Variants in MAP7D1 observed in about 807,000 individuals in gnomAD.
MAP7D1 encodes MAP7 domain-containing protein 1.
In MAP7D1, 30 loss-of-function variants were observed where a neutral mutation model predicts 97.5. The ratio of observed to expected loss-of-function variants is 0.31; its 90% CI spans 0.23 to 0.42. MAP7D1 has a LOEUF of 0.42. Ranked by LOEUF, MAP7D1 falls within the 10% of genes least tolerant of loss-of-function variation. MAP7D1 has a pLI of 1.00. For synonymous variants in MAP7D1, 536 were observed against 477.1 expected, an observed-to-expected ratio of 1.12 and a Z score of -1.61; for missense variants, 1,184 against 1,179.5, an observed-to-expected ratio of 1.00 and a Z score of -0.06.
intron 2 of MAP7D1, 33 bp downstream of exon 2, chr1:36,171,348 C>A: frequency 6.5e-7 from 1 of 1,546,576 alleles, no homozygotes; most frequent in Non-Finnish European, 8.7e-7. Context: ...GGGCCTAAAC[C>A]TCTTGGCTCA....
intron 3 of MAP7D1, chr1:36,171,916 A>C (rs515717): frequency 0.022 from 3,260 of 149,478 alleles, 150 homozygotes; most frequent in African/African-American, 0.08. Flanking sequence ...TCTGGGCAAC[A>C]AGAGCAAAAC....
At chr1:36,168,562 C>T (rs1175096916) in intron 1 of MAP7D1, among the ~76,000 whole-genome samples, 2 of 152,186 alleles carry the variant, frequency 1.3e-5, no homozygotes, top group East Asian at 3.9e-4. Flanking sequence ...GCAGCCGTCT[C>T]CTGCTGGTAT....
rs928724038 is a variant in MAP7D1 at position 36,175,074 on chromosome 1, G to T, written c.850+66G>T. Reference sequence around the variant, plus strand: ...TAGCTCCCACCAAGCCTCCTCCAGAGCTCAGCAAGAACACCAGGTCCCTGG... The same window carrying T: ...TAGCTCCCACCAAGCCTCCTCCAGATCTCAGCAAGAACACCAGGTCCCTGG... On this transcript the variant is annotated intron_variant, in intron 6 of 16. Transcript: ENST00000474796. 19 of 1,076,268 alleles carry T rather than the reference G, an allele frequency of 1.8e-5. 1 individual carries two copies. Among genetic ancestry groups the T allele is most frequent in the Non-Finnish European group, 2.6e-5 (18 of 699,476 alleles). The allele number at this position is 1,076,268 out of a possible 1,614,324, so 66.7% of individuals were successfully genotyped here. A position where few individuals can be genotyped will look rare whatever the true frequency, so the allele number is the denominator to read the frequency against.
At position 36,160,647 on chromosome 1, in the gene MAP7D1, C is replaced by G. The variant is rs532149315; in HGVS notation, c.46+4184C>G. Reference sequence around the variant, plus strand: ...GCAGAGGCAGGATTTGAACTCAAATCTGTCTGACTCTGAAGTCTGTGCCCT... The same window carrying G: ...GCAGAGGCAGGATTTGAACTCAAATGTGTCTGACTCTGAAGTCTGTGCCCT... On this transcript the variant is annotated intron_variant, in intron 1 of 16. Coordinates refer to ENST00000474796, the MANE Select transcript of MAP7D1 (RefSeq NM_001388490.1). 1.2e-4 allele frequency among the ~76,000 whole-genome samples: 19 copies of G among 152,356 alleles called. 1 individual carries two copies. In the East Asian group the frequency reaches 2.9e-3, roughly 23 times the overall value.
Position 36,173,388 on chromosome 1 carries a change from C to T in MAP7D1, c.649C>T (p.Arg217Trp), listed in dbSNP as rs756529797. The T allele has an allele frequency of 3.7e-5, 59 of 1,613,800 alleles. No homozygotes were observed. The highest frequency in any genetic ancestry group is 8.9e-5 in the East Asian group (4 of 44,872). ...GGAGCGCTATGAAGCAGCCATCCAA[C>T]GGTCAGTGAAGAAGACGTGGGCCGA... ...NKERYEAAIQ[R>W]SVKKTWAEIR... The change falls in exon 5 of 17, where the codon CGG becomes TGG. Residue 217 changes from arginine (R) to tryptophan (W), a missense_variant. By Grantham distance (101) the Arg-to-Trp change is moderately radical. Coordinates refer to ENST00000474796, the MANE Select transcript of MAP7D1 (RefSeq NM_001388490.1).
In MAP7D1 at chr1:36,171,507, G is replaced by A. The variant is rs1644542962; in HGVS notation, c.392-6G>A. 6.2e-7 allele frequency: 1 copy of A among 1,614,030 alleles called. No homozygotes were observed. Among genetic ancestry groups the A allele is most frequent in the Non-Finnish European group, 8.5e-7 (1 of 1,180,026 alleles). Reference sequence around the variant, plus strand: ...TGACCTGTCTGTTCTTGTTCCCTCTGCTCAGAGGTGAAGAAGGCAGGAGAG... The same window carrying A: ...TGACCTGTCTGTTCTTGTTCCCTCTACTCAGAGGTGAAGAAGGCAGGAGAG... On this transcript the variant is annotated splice_polypyrimidine_tract_variant and splice_region_variant and intron_variant, in intron 2 of 16. Transcript: ENST00000474796.
At position 36,156,326 on chromosome 1, in the gene MAP7D1, C is replaced by A; in HGVS notation, c.-92C>A. On this transcript the variant is annotated 5_prime_UTR_variant, in exon 1 of 17. Coordinates refer to ENST00000474796, the MANE Select transcript of MAP7D1 (RefSeq NM_001388490.1). ...CGCTACTTGCCGGGCCGGGCCGGGC[C>A]GGGCGTGATGCGCCGCGGGACCCCT... 1.8e-6 allele frequency: 2 copies of A among 1,139,452 alleles called. No individual in the cohort carries two copies. Among genetic ancestry groups the A allele is most frequent in the Non-Finnish European group, 2.3e-6 (2 of 858,520 alleles). 70.6% of individuals were successfully genotyped at this position (1,139,452 alleles called of 1,614,324 possible). A position where few individuals can be genotyped will look rare whatever the true frequency, so the allele number is the denominator to read the frequency against.
At chr1:36,161,485 A>C (rs530619795) in intron 1 of MAP7D1, among the ~76,000 whole-genome samples, 2 of 152,224 alleles carry the variant, frequency 1.3e-5, no homozygotes, top group African/African-American at 4.8e-5. Flanking sequence ...TGTGGAGCTT[A>C]AGTAAGTGTC....
At chr1:36,173,002 C>G (rs1644568619) in intron 4 of MAP7D1, among the ~76,000 whole-genome samples, 2 of 152,206 alleles carry the variant, frequency 1.3e-5, no homozygotes, top group African/African-American at 4.8e-5. Flanking sequence ...CCTGGCCCTA[C>G]CTGGGAGGGC....
intron 15 of MAP7D1, 58 bp downstream of exon 15, chr1:36,179,814 C>T (rs1389913703): frequency 8.9e-6 from 14 of 1,565,254 alleles, no homozygotes; most frequent in East Asian, 4.5e-5. Context: ...GCTGGAGCTG[C>T]GGGGTGGCCT....
intron 13 of MAP7D1, 36 bp downstream of exon 13, chr1:36,179,351 G>A: frequency 6.2e-7 from 1 of 1,612,548 alleles, no homozygotes; most frequent in Non-Finnish European, 8.5e-7. Context: ...CTGGGCGTGG[G>A]GGGCAGGGTG....
Position 36,178,428 on chromosome 1 carries a change from T to C in MAP7D1, c.1718T>C (p.Val573Ala), listed in dbSNP as rs1245864445. ...PPAETPTDAA[V>A]LTSPPAPAPP... ...CCGGATCCCCCTCCAGACGCTGCTG[T>C]CTTGACCTCACCCCCAGCCCCTGCT... Residue 573 changes from valine to alanine, a missense_variant, in exon 10 of 17, where the codon GTC becomes GCC. By Grantham distance (64) the Val-to-Ala change is moderately conservative (BLOSUM62 0). Transcript: ENST00000474796. 1.2e-6 allele frequency: 2 copies of C among 1,610,704 alleles called. No homozygotes were observed. Among genetic ancestry groups the C allele is most frequent in the Non-Finnish European group, 8.5e-7 (1 of 1,179,392 alleles).
In MAP7D1 at chr1:36,171,555, G is replaced by A. The variant is rs199861035; in HGVS notation, c.434G>A (p.Arg145Gln). The A allele has an allele frequency of 1.1e-5, 17 of 1,614,048 alleles. No individual in the cohort carries two copies. Among genetic ancestry groups the A allele is most frequent in the African/African-American group, 2.7e-5 (2 of 74,920 alleles). The change falls in exon 3 of 17, where the codon CGG becomes CAG. Residue 145 changes from arginine to glutamine, a missense_variant. Transcript: ENST00000474796. ...GAGAGACACAAGCTGGCAAAGGAGC[G>A]GCGAGAAGAGCGGGCCAAGTACCTG... ...AGERHKLAKE[R>Q]REERAKYLAA...
rs1353211221 is a variant in MAP7D1 at position 36,156,200 on chromosome 1, A to T, written c.-218A>T. On this transcript the variant is annotated 5_prime_UTR_variant, in exon 1 of 17. Coordinates refer to ENST00000474796, the MANE Select transcript of MAP7D1 (RefSeq NM_001388490.1). ...GGACTGGGCCGGCGCCGGGCGGGGA[A>T]CGGGTTCGCGACCGCAGCCGAGAGA... 4.8e-6 allele frequency: 2 copies of T among 417,880 alleles called. No individual in the cohort carries two copies. The highest frequency in any genetic ancestry group is 4.2e-5 in the African/African-American group (2 of 47,548). The allele number at this position is 417,880 out of a possible 1,614,324, so 25.9% of individuals were successfully genotyped here.
chr1:36,179,163 A>C, intron 12 of MAP7D1, 99 bp from the exon 13 acceptor site: 1 of 1,505,498 alleles, frequency 6.6e-7, no homozygotes, highest in Non-Finnish European at 9.2e-7. Context: ...GGCTGCTATG[A>C]GCTGGGAGGC....
intron 13 of MAP7D1, 37 bp downstream of exon 13, chr1:36,179,352 G>C: frequency 2.5e-6 from 4 of 1,612,580 alleles, no homozygotes; most frequent in Non-Finnish European, 3.4e-6. Flanking sequence ...TGGGCGTGGG[G>C]GGCAGGGTGT....
At chr1:36,175,400 C>A (rs1448956366) in intron 6 of MAP7D1, among the ~76,000 whole-genome samples, 1 of 152,162 alleles carries the variant, frequency 6.6e-6, no homozygotes, top group African/African-American at 2.4e-5. Context: ...GGCCTGGGTG[C>A]TGTGGGGTGG....
At chr1:36,175,996 G>A (rs1185063462) in intron 6 of MAP7D1, among the ~76,000 whole-genome samples, 1 of 152,198 alleles carries the variant, frequency 6.6e-6, no homozygotes, top group African/African-American at 2.4e-5. Flanking sequence ...TGTTGCCCTG[G>A]GAAGTGTCTG....
Position 36,179,495 on chromosome 1 carries a change from G to A in MAP7D1, c.2185-20G>A, listed in dbSNP as rs374694470. 51 of 1,580,300 alleles carry A rather than the reference G, an allele frequency of 3.2e-5. No individual in the cohort carries two copies. The highest frequency in any genetic ancestry group is 4.3e-5 in the Non-Finnish European group (50 of 1,162,520). ...GGCCGGCTGTCCCTTGAGCCTGACT[G>A]CTCTTCCTCTTCAAAGCAGAAGCAG... is the stretch of plus-strand genomic sequence containing the variant. On this transcript the variant is annotated intron_variant, in intron 13 of 16. Coordinates refer to ENST00000474796, the MANE Select transcript of MAP7D1 (RefSeq NM_001388490.1).
Sources: gnomAD v4.1 joint callset for allele counts (sites outside exome capture counted in the v4.1 genomes callset) on GRCh38, gnomAD v4.1.1 for gene constraint, MANE v1.5 for transcripts, NCBI Gene and HGNC (gene_info 2026-07-23, HGNC 2026-07-21) for gene names.